The following FAM184B variants were observed in gnomAD, a reference collection of about 807,000 sequenced individuals.
FAM184B encodes the protein family with sequence similarity 184 member B, also known as protein FAM184B.
Under a neutral mutation model 135.9 loss-of-function variants are expected in FAM184B, and 111 were observed. That is an observed-to-expected ratio of 0.82 (90% confidence interval 0.70 to 0.96). The LOEUF (loss-of-function observed/expected upper bound fraction) is 0.96. FAM184B is among the 40% of genes least tolerant of loss of function. FAM184B has a pLI of 0.00. For missense variants in FAM184B, 1,375 were observed against 1,323.9 expected (o/e 1.04, Z -0.60); for synonymous variants, 552 against 524.8 (o/e 1.05, Z -0.71).
At chr4:17,717,181 TAG>T (rs1717415267) in intron 1 of FAM184B, among the ~76,000 whole-genome samples, 2 of 152,298 alleles carry the variant, frequency 1.3e-5, no homozygotes. Flanking sequence ...GCCTGTAAAA[TAG>T]AGAGAATCCA....
chr4:17,707,379 G>A (rs915074621), intron 3 of FAM184B, among the ~76,000 whole-genome samples: 2 of 152,222 alleles, frequency 1.3e-5, no homozygotes, highest in Non-Finnish European at 2.9e-5. Flanking sequence ...CAGGCACTGT[G>A]GTGAGCCTGG....
rs147438716 is a variant in FAM184B at position 17,687,930 on chromosome 4, A to C, written c.1596+494T>G. Among the ~76,000 whole-genome samples, 65 of 152,294 alleles carry C rather than the reference A, an allele frequency of 4.3e-4. No homozygotes were observed. The East Asian group carries it at 0.011, about 26-fold the overall frequency. On this transcript the variant is annotated intron_variant, in intron 7 of 17. Coordinates refer to ENST00000265018, the MANE Select transcript of FAM184B (RefSeq NM_015688.2). ...TTATGGTGATCCTAGAGAACAATCCAACCCACCGTGAGCCAGACAGAGACA... is the reference window on the plus strand; with the variant it reads ...TTATGGTGATCCTAGAGAACAATCCCACCCACCGTGAGCCAGACAGAGACA...
chr4:17,743,199 G>A (rs192805478), intron 1 of FAM184B, among the ~76,000 whole-genome samples: 86 of 152,324 alleles, frequency 5.6e-4, no homozygotes, highest in African/African-American at 1.8e-3. Flanking sequence ...AAATAGCAAA[G>A]TATGAGAGGT....
In FAM184B at chr4:17,773,460, G is replaced by A. The variant is rs143994169; in HGVS notation, c.141+7699C>T. ...CAGCTTCTGGCACTAAGACGCCTGC[G>A]CATTTCTTCCTGGGTACATTTCCTC... is the stretch of plus-strand genomic sequence containing the variant. On this transcript the variant is annotated intron_variant, in intron 1 of 17. Transcript: ENST00000265018. 4.0e-3 allele frequency among the ~76,000 whole-genome samples: 615 copies of A among 152,334 alleles called. 3 individuals carry two copies. Among genetic ancestry groups the A allele is most frequent in the African/African-American group, 0.013 (546 of 41,572 alleles).
chr4:17,690,622 A>G (rs1207001246), intron 6 of FAM184B, among the ~76,000 whole-genome samples: 1 of 152,190 alleles, frequency 6.6e-6, no homozygotes, highest in African/African-American at 2.4e-5. Flanking sequence ...GACTTTCCAT[A>G]AGGAATATTA....
intron 11 of FAM184B, among the ~76,000 whole-genome samples, chr4:17,650,009 T>C (rs1004532539): frequency 3.9e-5 from 6 of 152,012 alleles, no homozygotes; most frequent in African/African-American, 1.4e-4. Context: ...CATCCACCCA[T>C]CCATCTGTGT....
intron 10 of FAM184B, among the ~76,000 whole-genome samples, chr4:17,656,633 C>T (rs1267957182): frequency 6.6e-6 from 1 of 152,178 alleles, no homozygotes; most frequent in African/African-American, 2.4e-5. Flanking sequence ...AACGCCTGGC[C>T]TCAAGTGGTC....
chr4:17,758,908 A>G (rs1718482776), intron 1 of FAM184B, among the ~76,000 whole-genome samples: 2 of 151,782 alleles, frequency 1.3e-5, no homozygotes, highest in African/African-American at 4.8e-5. Context: ...CACAAATGGG[A>G]ATAAAAGATG....
chr4:17,756,991 G>T (rs1344701562), intron 1 of FAM184B, among the ~76,000 whole-genome samples: 2 of 152,118 alleles, frequency 1.3e-5, no homozygotes, highest in Non-Finnish European at 2.9e-5. Flanking sequence ...GTGAAATGAT[G>T]GTCAGCAGTC....
intron 8 of FAM184B, among the ~76,000 whole-genome samples, chr4:17,663,615 A>AACACACAC (rs113627829): frequency 6.6e-5 from 10 of 150,546 alleles, no homozygotes; most frequent in Admixed American, 2.0e-4. Context: ...TCCCATTCAC[A>AACACACAC]ACACACACAC....
At chr4:17,676,972 A>T (rs887871980) in intron 7 of FAM184B, among the ~76,000 whole-genome samples, 1 of 152,226 alleles carries the variant, frequency 6.6e-6, no homozygotes, top group African/African-American at 2.4e-5. Flanking sequence ...CTCAGAATGT[A>T]TCATCGTCAT....
At chr4:17,702,829 G>A (rs995999867) in intron 5 of FAM184B, among the ~76,000 whole-genome samples, 1 of 152,168 alleles carries the variant, frequency 6.6e-6, no homozygotes, top group African/African-American at 2.4e-5. Context: ...AGCATGCTGC[G>A]GTCCCTCCTG....
intron 7 of FAM184B, among the ~76,000 whole-genome samples, chr4:17,669,063 G>A (rs779035577): frequency 4.6e-5 from 7 of 152,178 alleles, no homozygotes; most frequent in Admixed American, 6.5e-5. Context: ...ACGCTGCACA[G>A]CTATTTTTCA....
intron 1 of FAM184B, among the ~76,000 whole-genome samples, chr4:17,718,151 T>G (rs1717438269): frequency 6.6e-6 from 1 of 152,162 alleles, no homozygotes; most frequent in Admixed American, 6.5e-5. Context: ...TCAAATGACA[T>G]TATGAACCAA....
chr4:17,642,020 G>C (rs1560165441), intron 13 of FAM184B, 36 bp downstream of exon 13: 2 of 1,503,992 alleles, frequency 1.3e-6, no homozygotes, highest in Non-Finnish European at 1.8e-6. Flanking sequence ...TAGGGGGTGA[G>C]GGTGGCGCGG....
chr4:17,727,929 T>C (rs1212117848), intron 1 of FAM184B, among the ~76,000 whole-genome samples: 1 of 152,032 alleles, frequency 6.6e-6, no homozygotes, highest in Non-Finnish European at 1.5e-5. Context: ...TATAAAGACA[T>C]TTGCTTAACT....
At chr4:17,724,021 A>G (rs1027310916) in intron 1 of FAM184B, among the ~76,000 whole-genome samples, 1 of 152,078 alleles carries the variant, frequency 6.6e-6, no homozygotes, top group African/African-American at 2.4e-5. Context: ...ACATGCCACC[A>G]CTATACAATG....
At position 17,705,822 on chromosome 4, in the gene FAM184B, T is replaced by C. The variant is rs537507235; in HGVS notation, c.1100A>G (p.Asn367Ser). 42 of 1,551,964 alleles carry C rather than the reference T, an allele frequency of 2.7e-5. No homozygotes were observed. Among genetic ancestry groups the C allele is most frequent in the Non-Finnish European group, 3.2e-5 (37 of 1,147,078 alleles). Residue 367 changes from asparagine to serine, a missense_variant, in exon 4 of 18, where the codon AAT (asparagine) becomes AGT (serine). Transcript: ENST00000265018. ...LREENDLEAG[N>S]LHPQQDQSCL... ...GCTTTGATCCTGCTGAGGATGAAGA[T>C]TGCCGGCTTCCAAGTCATTCTCTTC...
chr4:17,778,529 A>G (rs1490581912), intron 1 of FAM184B, among the ~76,000 whole-genome samples: 1 of 152,256 alleles, frequency 6.6e-6, no homozygotes, highest in African/African-American at 2.4e-5. Context: ...CATAAATTTA[A>G]TTAACTTTTA....
Sources: allele counts gnomAD v4.1 joint callset (sites outside exome capture counted in the v4.1 genomes callset), GRCh38; gene constraint gnomAD v4.1.1; transcripts MANE v1.5; gene names NCBI Gene and HGNC (gene_info 2026-07-23, HGNC 2026-07-21).